The following ZNF131 variants were observed in gnomAD, a reference collection of about 807,000 sequenced individuals.
The protein encoded by ZNF131 is zinc finger protein 131.
ZNF131 carries 7 observed loss-of-function variants against 60.0 expected under a neutral mutation model. The observed-to-expected ratio is 0.12, with a 90% CI of 0.07 to 0.22. The LOEUF is 0.22. Ranked by LOEUF, ZNF131 falls within the 10% of genes least tolerant of loss-of-function variation. ZNF131 has a pLI of 1.00. For synonymous variants in ZNF131, 257 were observed against 253.2 expected (o/e 1.01, Z -0.14); for missense variants, 493 against 740.9 (o/e 0.67, Z 3.88).
At chr5:43,128,725 T>A (rs1367137638) in intron 3 of ZNF131, among the ~76,000 whole-genome samples, 1 of 150,520 alleles carries the variant, frequency 6.6e-6, no homozygotes, top group Non-Finnish European at 1.5e-5. Flanking sequence ...CAGATATTTA[T>A]CCCAGTTTTG....
chr5:43,173,290 C>G (rs1751222577), intron 5 of ZNF131, 28 bp from the exon 6 acceptor site: 1 of 1,497,680 alleles, frequency 6.7e-7, no homozygotes, highest in South Asian at 1.4e-5. Flanking sequence ...TCTTAATTTG[C>G]CAACGTATCT....
At chr5:43,151,288 T>G (rs1452933560) in intron 4 of ZNF131, among the ~76,000 whole-genome samples, 6 of 152,220 alleles carry the variant, frequency 3.9e-5, no homozygotes, top group Non-Finnish European at 8.8e-5. Context: ...AAGTCAGTTA[T>G]TATTCTAGGA....
intron 5 of ZNF131, among the ~76,000 whole-genome samples, chr5:43,165,729 T>G (rs955693574): frequency 1.3e-5 from 2 of 152,206 alleles, no homozygotes; most frequent in African/African-American, 4.8e-5. Context: ...TGGCTTTAAC[T>G]TAAAGTCACC....
chr5:43,159,793 C>T (rs1182916729), intron 4 of ZNF131, among the ~76,000 whole-genome samples: 1 of 150,146 alleles, frequency 6.7e-6, no homozygotes, highest in Admixed American at 6.6e-5. Flanking sequence ...AACTGTATTT[C>T]AGAGGGCAGT....
intron 6 of ZNF131, among the ~76,000 whole-genome samples, chr5:43,173,809 T>C (rs564314276): frequency 1.3e-5 from 2 of 152,280 alleles, no homozygotes; most frequent in Non-Finnish European, 2.9e-5. Flanking sequence ...TTATTTGATA[T>C]AAAAATACAA....
chr5:43,168,028 T>C (rs1301684317), intron 5 of ZNF131: 3 of 439,850 alleles, frequency 6.8e-6, no homozygotes, highest in Non-Finnish European at 1.4e-5. Flanking sequence ...GGGCATCACA[T>C]GGTGAGGGAG....
Position 43,161,317 on chromosome 5 carries a change from T to C in ZNF131, c.440T>C (p.Ile147Thr), listed in dbSNP as rs1418084552. 5 of 1,613,770 alleles carry C rather than the reference T, an allele frequency of 3.1e-6. No individual in the cohort carries two copies. Among genetic ancestry groups the C allele is most frequent in the Non-Finnish European group, 4.2e-6 (5 of 1,179,950 alleles). The change falls in exon 5 of 7, where the codon ATT becomes ACT. Residue 147 changes from isoleucine to threonine, a missense_variant. Physicochemically the swap from Ile to Thr is moderately conservative, Grantham distance 89. This residue lies in a region of ZNF131 where 138 missense variants were observed against 158.7 expected (regional missense o/e 0.87). Transcript: ENST00000682664. Reference protein sequence around the residue: ...TGKNEAKKRKIAETSNVITES... With the variant: ...TGKNEAKKRKTAETSNVITES... ...AAAAATGAGGCCAAAAAAAGGAAGA[T>C]TGCAGAAACTTCAAATGTTATCACT...
chr5:43,126,427 C>T (rs543729986), intron 3 of ZNF131, among the ~76,000 whole-genome samples: 8 of 152,274 alleles, frequency 5.3e-5, no homozygotes, highest in East Asian at 1.9e-4. Context: ...CAGTTCTCAG[C>T]GCCTTTCCTC....
chr5:43,133,419 T>C (rs1268961974), intron 3 of ZNF131, among the ~76,000 whole-genome samples: 1 of 152,138 alleles, frequency 6.6e-6, no homozygotes, highest in African/African-American at 2.4e-5. Context: ...TGAGTCGAGA[T>C]CACGCCATTT....
chr5:43,163,323 A>G (rs556930241), intron 5 of ZNF131, among the ~76,000 whole-genome samples: 1 of 152,280 alleles, frequency 6.6e-6, no homozygotes, highest in Admixed American at 6.5e-5. Flanking sequence ...GCTTTGGCAC[A>G]GTAGGTTAGT....
Position 43,176,272 on chromosome 5 carries a change from T to G in ZNF131, c.*1139T>G, listed in dbSNP as rs1277891187. On this transcript the variant is annotated 3_prime_UTR_variant, in exon 7 of 7. Coordinates refer to ENST00000682664, the MANE Select transcript of ZNF131 (RefSeq NM_001330707.2). ...AGACCAATATGCTATTTTTTTTACC[T>G]GTTAAATATTGGGAGTTCTTTACAT... 6.6e-6 allele frequency: 1 copy of G among 152,214 alleles called. No individual in the cohort carries two copies. The highest frequency in any genetic ancestry group is 6.5e-5 in the Admixed American group (1 of 15,284). The allele number at this position is 152,214 out of a possible 1,614,324, so 9.4% of individuals were successfully genotyped here.
intron 5 of ZNF131, chr5:43,167,889 A>C (rs568209852): frequency 1.4e-5 from 6 of 437,764 alleles, no homozygotes; most frequent in Non-Finnish European, 2.7e-5. Flanking sequence ...CAATACCTGA[A>C]ACTGGAGAAT....
intron 3 of ZNF131, among the ~76,000 whole-genome samples, chr5:43,137,975 C>T (rs557978619): frequency 6.6e-6 from 1 of 152,298 alleles, no homozygotes; most frequent in African/African-American, 2.4e-5. Flanking sequence ...CAGTCACAGA[C>T]ATAAACTGCA....
At position 43,175,251 on chromosome 5, in the gene ZNF131, G is replaced by T; in HGVS notation, c.*118G>T. 2 of 1,055,840 alleles carry T rather than the reference G, an allele frequency of 1.9e-6. No homozygotes were observed. The highest frequency in any genetic ancestry group is 2.7e-6 in the Non-Finnish European group (2 of 743,020). The allele number at this position is 1,055,840 out of a possible 1,614,324, so 65.4% of individuals were successfully genotyped here. On this transcript the variant is annotated 3_prime_UTR_variant, in exon 7 of 7. Transcript: ENST00000682664. ...GTGGACCAAAGTTAAGCTGTTTCCT[G>T]TTGTGCTGAACTGTTGTCCGTTGAA...
intron 4 of ZNF131, among the ~76,000 whole-genome samples, chr5:43,159,014 A>G (rs1749308939): frequency 6.6e-6 from 1 of 152,198 alleles, no homozygotes; most frequent in Admixed American, 6.5e-5. Flanking sequence ...TACTCTCTAC[A>G]TAGCAAGCAG....
rs369018399 is a variant in ZNF131 at position 43,126,277 on chromosome 5, G to T, written c.226+2967G>T. 1.2e-3 allele frequency among the ~76,000 whole-genome samples: 178 copies of T among 152,242 alleles called. 2 individuals carry two copies. The South Asian group carries it at 0.036, about 31-fold the overall frequency. The stretch of plus-strand genomic sequence containing the variant: ...TAAAATCCTCTGGAAAATATTTTTG[G>T]TTTTTTGGTTTCACTTTAGCGGGCA... On this transcript the variant is annotated intron_variant, in intron 3 of 6. Coordinates refer to ENST00000682664, the MANE Select transcript of ZNF131 (RefSeq NM_001330707.2).
At chr5:43,133,860 A>G (rs1358451308) in intron 3 of ZNF131, among the ~76,000 whole-genome samples, 1 of 152,248 alleles carries the variant, frequency 6.6e-6, no homozygotes, top group Non-Finnish European at 1.5e-5. Context: ...GAACAGATGT[A>G]CAACTGCTGT....
chr5:43,122,977 G>C (rs541143), intron 2 of ZNF131, among the ~76,000 whole-genome samples: 57,554 of 152,004 alleles, frequency 0.38, 11,755 homozygotes, highest in East Asian at 0.82. Context: ...TGTAAATTAG[G>C]CTTTATAAAA....
chr5:43,175,031 AG>A lies in ZNF131; in HGVS notation c.1771del (p.Asp591IlefsTer8), dbSNP rs1479727805. Reference protein sequence around the residue: ...QADAAEAAREDHEDAEDLETK... With the variant: ...QADAAEAAREXHEDAEDLETK... ...CAGATGCTGCTGAGGCTGCCAGGGA[AG>A]ATCACGAAGATGCTGAGGATTTAGA... On this transcript the variant is annotated frameshift_variant, in exon 7 of 7. Transcript: ENST00000682664. LOFTEE classifies it high-confidence loss of function. The A allele has an allele frequency of 6.2e-7, 1 of 1,614,188 alleles. No homozygotes were observed. Among genetic ancestry groups the A allele is most frequent in the South Asian group, 1.1e-5 (1 of 91,084 alleles).
Sources: allele counts gnomAD v4.1 joint callset (sites outside exome capture counted in the v4.1 genomes callset), GRCh38; gene constraint gnomAD v4.1.1; regional missense constraint gnomAD v4.1.1; transcripts MANE v1.5; gene names NCBI Gene and HGNC (gene_info 2026-07-23, HGNC 2026-07-21).